The following RBFOX1 variants were observed in gnomAD, a reference collection of about 807,000 sequenced individuals.
RBFOX1 encodes the protein RNA binding protein fox-1 homolog 1.
A neutral mutation model predicts 57.7 loss-of-function variants in RBFOX1; 8 were observed. The observed-to-expected ratio is 0.14, with a 90% CI of 0.08 to 0.25. The LOEUF is 0.25. RBFOX1 is among the 10% of genes least tolerant of loss of function. The pLI is 1.00. For missense variants in RBFOX1, 611 were observed against 548.5 expected, an observed-to-expected ratio of 1.11 and a Z score of -1.14; for synonymous variants, 326 against 222.4, an observed-to-expected ratio of 1.47 and a Z score of -4.15.
chr16:6,182,491 C>T (rs1414891831), intron 1 of RBFOX1, among the ~76,000 whole-genome samples: 1 of 152,168 alleles, frequency 6.6e-6, no homozygotes, highest in Admixed American at 6.5e-5. Flanking sequence ...TGTTTGCCAA[C>T]ACGCACATAG....
At chr16:6,599,708 A>G (rs923431016) in intron 2 of RBFOX1, among the ~76,000 whole-genome samples, 2 of 152,172 alleles carry the variant, frequency 1.3e-5, no homozygotes, top group Admixed American at 1.3e-4. Flanking sequence ...GAACTTCTCC[A>G]CTACTCTGTT....
chr16:6,097,041 C>G lies in RBFOX1; in HGVS notation c.-127+77049C>G, dbSNP rs1449358361. Among the ~76,000 whole-genome samples, 1 of 152,098 alleles carries G rather than the reference C, an allele frequency of 6.6e-6. No homozygotes were observed. The highest frequency in any genetic ancestry group is 1.5e-5 in the Non-Finnish European group (1 of 68,022). On this transcript the variant is annotated intron_variant, in intron 1 of 15. Coordinates refer to ENST00000550418, the MANE Select transcript of RBFOX1 (RefSeq NM_018723.4). The surrounding 1 kb of genome is among the most constrained non-coding windows in gnomAD (Gnocchi z 5.0). Reference sequence around the variant, plus strand: ...GTGTGAGGGACTTCGTGGGAGATAACTGAATCATGGGGGTGGTTTCCCCCA... The same window carrying G: ...GTGTGAGGGACTTCGTGGGAGATAAGTGAATCATGGGGGTGGTTTCCCCCA...
Position 6,794,254 on chromosome 16 carries a change from T to C in RBFOX1, c.-16+139604T>C, listed in dbSNP as rs149994879. ...TCTCAGAGCTCTTCACTTTGCTCCATGTTGTGTGTTGTTTTCTTGTTCGTG... is the reference window on the plus strand; with the variant it reads ...TCTCAGAGCTCTTCACTTTGCTCCACGTTGTGTGTTGTTTTCTTGTTCGTG... On this transcript the variant is annotated intron_variant, in intron 3 of 15. Coordinates refer to ENST00000550418, the MANE Select transcript of RBFOX1 (RefSeq NM_018723.4). 3.8e-4 allele frequency among the ~76,000 whole-genome samples: 57 copies of C among 150,970 alleles called. 1 individual carries two copies. The highest frequency in any genetic ancestry group is 1.3e-3 in the African/African-American group (52 of 41,128).
At chr16:6,752,726 C>A (rs2075146639) in intron 3 of RBFOX1, among the ~76,000 whole-genome samples, 1 of 152,104 alleles carries the variant, frequency 6.6e-6, no homozygotes, top group South Asian at 2.1e-4. Flanking sequence ...ATCTTGATTT[C>A]AAAACTTTCC....
At chr16:5,658,825 T>TATATATGTATATATATA (rs2049548030) in intron 3 of RBFOX1, among the ~76,000 whole-genome samples, 1 of 143,934 alleles carries the variant, frequency 6.9e-6, no homozygotes, top group Admixed American at 6.8e-5. Flanking sequence ...ATAATATATG[T>TATATATGTATATATATA]ATATATGTAT....
rs552421715 is a variant in RBFOX1 at position 6,390,062 on chromosome 16, G to A, written c.-64+73005G>A. On this transcript the variant is annotated intron_variant, in intron 2 of 15. Transcript: ENST00000550418. ...CATCTTCTCATGGCTGTGAAATGAC[G>A]GATACCTGAGAGAAGTCCCAGCTGA... is the stretch of plus-strand genomic sequence containing the variant. Among the ~76,000 whole-genome samples, 10 of 152,244 alleles carry A rather than the reference G, an allele frequency of 6.6e-5. No homozygotes were observed. In the East Asian group the frequency reaches 1.2e-3, roughly 18 times the overall value.
intron 2 of RBFOX1, among the ~76,000 whole-genome samples, chr16:6,620,602 T>C (rs1158327149): frequency 1.3e-5 from 2 of 151,084 alleles, no homozygotes; most frequent in African/African-American, 4.9e-5. Flanking sequence ...AAACAAACGA[T>C]TAGCTAGATG....
rs960322839 is a variant in RBFOX1 at position 7,269,683 on chromosome 16, C to T, written c.27+217585C>T. Reference sequence around the variant, plus strand: ...ATTGAAGAAATTTTTTATCTTTCTCCCTTACTATTATTAAGAATAATGTCA... The same window carrying T: ...ATTGAAGAAATTTTTTATCTTTCTCTCTTACTATTATTAAGAATAATGTCA... On this transcript the variant is annotated intron_variant, in intron 4 of 15. Coordinates refer to ENST00000550418, the MANE Select transcript of RBFOX1 (RefSeq NM_018723.4). 2.0e-5 allele frequency among the ~76,000 whole-genome samples: 3 copies of T among 152,176 alleles called. No individual in the cohort carries two copies. The East Asian group carries it at 5.8e-4, about 29-fold the overall frequency.
At position 5,999,843 on chromosome 16, in the gene RBFOX1, G is replaced by C. The variant is rs574131961; in HGVS notation, c.351+132508G>C. On this transcript the variant is annotated intron_variant, in intron 4 of 19. Coordinates refer to the RBFOX1 transcript ENST00000641259. The stretch of plus-strand genomic sequence containing the variant: ...AGATCGCACCACTGCGCTCCAGCCT[G>C]GGCGACAGAGCGAGACTCCACCTCA... Among the ~76,000 whole-genome samples, 227 of 117,494 alleles carry C rather than the reference G, an allele frequency of 1.9e-3. 2 individuals carry two copies. Among genetic ancestry groups the C allele is most frequent in the Non-Finnish European group, 2.8e-3 (176 of 62,290 alleles). 77.1% of individuals were successfully genotyped at this position (117,494 alleles called of 152,430 possible). A position where few individuals can be genotyped will look rare whatever the true frequency, so the allele number is the denominator to read the frequency against.
At chr16:7,019,092 G>C (rs1184598769) in intron 3 of RBFOX1, among the ~76,000 whole-genome samples, 3 of 152,122 alleles carry the variant, frequency 2.0e-5, no homozygotes, top group South Asian at 2.1e-4. Context: ...GTGTATGTCT[G>C]TGTGTGTATG....
At chr16:7,546,050 G>A (rs1026115014) in intron 5 of RBFOX1, among the ~76,000 whole-genome samples, 14 of 151,518 alleles carry the variant, frequency 9.2e-5, no homozygotes, top group South Asian at 4.2e-4. Flanking sequence ...AATCAGGCCA[G>A]GCACAGTGGC....
chr16:7,162,715 T>C (rs1462259290), intron 4 of RBFOX1, among the ~76,000 whole-genome samples: 1 of 151,948 alleles, frequency 6.6e-6, no homozygotes, highest in Admixed American at 6.6e-5. Context: ...GGTAACAGAG[T>C]GAGACCGTAG....
chr16:5,260,504 C>G (rs2062707117), intron 1 of RBFOX1, among the ~76,000 whole-genome samples: 1 of 152,166 alleles, frequency 6.6e-6, no homozygotes, highest in Admixed American at 6.5e-5. Context: ...AACTGGTCAA[C>G]TCAGATAAAT....
chr16:7,373,686 A>G (rs1317350438), intron 4 of RBFOX1, among the ~76,000 whole-genome samples: 2 of 151,832 alleles, frequency 1.3e-5, no homozygotes, highest in South Asian at 4.1e-4. Context: ...GGCAGCAATA[A>G]TTGCAATGGT....
intron 2 of RBFOX1, among the ~76,000 whole-genome samples, chr16:6,608,347 T>A (rs55982107): frequency 0.19 from 28,499 of 152,194 alleles, 3,133 homozygotes; most frequent in Admixed American, 0.27. Flanking sequence ...CTGGCTTAAA[T>A]CCCAGTATTA....
intron 4 of RBFOX1, among the ~76,000 whole-genome samples, chr16:5,929,377 C>G (rs2059001596): frequency 6.6e-6 from 1 of 152,076 alleles, no homozygotes; most frequent in African/African-American, 2.4e-5. Context: ...AATGTAATGT[C>G]TGAGAATCAT....
chr16:7,220,749 C>G (rs114536536), intron 4 of RBFOX1, among the ~76,000 whole-genome samples: 17,307 of 152,048 alleles, frequency 0.11, 1,298 homozygotes, highest in African/African-American at 0.21. Context: ...TGTGGAATTT[C>G]CAGGCCCACA....
At chr16:7,570,491 G>A (rs2092661980) in intron 5 of RBFOX1, among the ~76,000 whole-genome samples, 1 of 152,140 alleles carries the variant, frequency 6.6e-6, no homozygotes, top group Non-Finnish European at 1.5e-5. Flanking sequence ...AGTAAGGACT[G>A]CCACCAGTAC....
At chr16:7,487,257 A>G (rs1216277957) in intron 4 of RBFOX1, among the ~76,000 whole-genome samples, 1 of 152,162 alleles carries the variant, frequency 6.6e-6, no homozygotes, top group East Asian at 1.9e-4. Flanking sequence ...CCTCCAAGAC[A>G]TCCACATGGT....
Sources: gnomAD v4.1 joint callset for allele counts (sites outside exome capture counted in the v4.1 genomes callset) on GRCh38, gnomAD v4.1.1 for gene constraint, Gnocchi (gnomAD v3.1) non-coding constraint, MANE v1.5 for transcripts, NCBI Gene and HGNC (gene_info 2026-07-23, HGNC 2026-07-21) for gene names.